ZSWIM6: variants seen among roughly 807,000 people sequenced by gnomAD.
The protein encoded by ZSWIM6 is zinc finger SWIM domain-containing protein 6.
In ZSWIM6, 9 loss-of-function variants were observed where a neutral mutation model predicts 113.2. That is an observed-to-expected ratio of 0.08 (90% confidence interval 0.05 to 0.14). The LOEUF is 0.14. Ranked by LOEUF, ZSWIM6 falls within the 10% of genes least tolerant of loss-of-function variation. The pLI, the probability that ZSWIM6 is intolerant of heterozygous loss-of-function variation, is 1.00. For synonymous variants in ZSWIM6, 611 were observed against 606.5 expected (o/e 1.01, Z -0.11); for missense variants, 1,162 against 1,552.2 (o/e 0.75, Z 4.22).
chr5:61,463,504 A>T (rs890280202), intron 1 of ZSWIM6, among the ~76,000 whole-genome samples: 1 of 152,232 alleles, frequency 6.6e-6, no homozygotes, highest in Non-Finnish European at 1.5e-5. Context: ...AACCCTGGAC[A>T]TATGGGGTCC....
intron 1 of ZSWIM6, among the ~76,000 whole-genome samples, chr5:61,414,455 G>A (rs1249913761): frequency 6.6e-6 from 1 of 152,180 alleles, no homozygotes; most frequent in Non-Finnish European, 1.5e-5. Flanking sequence ...GAGCTATGCA[G>A]TAGAGAGGTC....
intron 1 of ZSWIM6, among the ~76,000 whole-genome samples, chr5:61,345,264 T>C (rs1744632970): frequency 6.6e-6 from 1 of 152,240 alleles, no homozygotes; most frequent in Admixed American, 6.5e-5. Context: ...TTAGATTTGG[T>C]TAATACTCTA....
intron 5 of ZSWIM6, among the ~76,000 whole-genome samples, chr5:61,524,704 C>T (rs16892181): frequency 0.046 from 6,957 of 152,202 alleles, 542 homozygotes; most frequent in African/African-American, 0.16. Flanking sequence ...GCCAAAGGTC[C>T]GGTGACAGGA....
At chr5:61,515,458 A>C (rs1748907901) in intron 4 of ZSWIM6, among the ~76,000 whole-genome samples, 2 of 152,140 alleles carry the variant, frequency 1.3e-5, no homozygotes, top group African/African-American at 4.8e-5. Context: ...GACACAGGAC[A>C]GAAGGGCAAG....
chr5:61,413,094 C>T (rs1284901742), intron 1 of ZSWIM6, among the ~76,000 whole-genome samples: 5 of 150,278 alleles, frequency 3.3e-5, no homozygotes, highest in Admixed American at 2.0e-4. Flanking sequence ...CATACGTATA[C>T]GTGTGCCATG....
chr5:61,406,881 T>G (rs1239368201), intron 1 of ZSWIM6, among the ~76,000 whole-genome samples: 1 of 152,060 alleles, frequency 6.6e-6, no homozygotes, highest in Non-Finnish European at 1.5e-5. Context: ...CCTGCCTAAT[T>G]TTTGTATTTT....
chr5:61,494,241 G>C lies in ZSWIM6; in HGVS notation c.1183-19G>C. The stretch of plus-strand genomic sequence containing the variant: ...TTTCGTTTTGAACAATTTTCTAAAG[G>C]TCTGTTTTTCCCCATTAGGTGCGGG... On this transcript the variant is annotated intron_variant, in intron 3 of 13. Transcript: ENST00000252744. 10 of 1,547,016 alleles carry C rather than the reference G, an allele frequency of 6.5e-6. No homozygotes were observed. Among genetic ancestry groups the C allele is most frequent in the Non-Finnish European group, 8.7e-6 (10 of 1,143,478 alleles).
chr5:61,524,934 A>T (rs1019694961), intron 5 of ZSWIM6, among the ~76,000 whole-genome samples: 1 of 152,232 alleles, frequency 6.6e-6, no homozygotes, highest in Non-Finnish European at 1.5e-5. Context: ...AATTTGAACC[A>T]TATAATCCTT....
rs1331441326 is a variant in ZSWIM6, at chr5:61,531,670, A to G, written c.2190A>G (p.Glu730=). The G allele has an allele frequency of 6.4e-7, 1 of 1,551,726 alleles. No homozygotes were observed. The highest frequency in any genetic ancestry group is 2.0e-5 in the Admixed American group (1 of 51,012). ...EQLISKLQEI[E]LDDTLVKIFR... is the part of the protein sequence containing the mutation. ...TCATTTCTAAGCTTCAGGAAATTGA[A>G]TTGGATGACACACTGGTGAAAATTT... The change falls in exon 9 of 14, where the codon GAA becomes GAG. Residue 730 remains glutamate, a synonymous_variant. Transcript: ENST00000252744.
At chr5:61,365,562 A>G (rs1028493190) in intron 1 of ZSWIM6, among the ~76,000 whole-genome samples, 1 of 152,148 alleles carries the variant, frequency 6.6e-6, no homozygotes, top group Admixed American at 6.6e-5. Flanking sequence ...GAGGTATCTC[A>G]GATATATTTT....
intron 1 of ZSWIM6, among the ~76,000 whole-genome samples, chr5:61,341,052 A>G (rs1312516421): frequency 6.6e-6 from 1 of 152,258 alleles, no homozygotes; most frequent in Non-Finnish European, 1.5e-5. Flanking sequence ...GAGAAAATAA[A>G]AAAGTCAGTT....
At chr5:61,417,603 A>G (rs536155611) in intron 1 of ZSWIM6, among the ~76,000 whole-genome samples, 1 of 152,306 alleles carries the variant, frequency 6.6e-6, no homozygotes, top group African/African-American at 2.4e-5. Flanking sequence ...TAATCAAAAG[A>G]GGTTCATGTT....
At position 61,468,832 on chromosome 5, in the gene ZSWIM6, C is replaced by T. The variant is rs569824912; in HGVS notation, c.677-3849C>T. On this transcript the variant is annotated intron_variant, in intron 1 of 13. Coordinates refer to ENST00000252744, the MANE Select transcript of ZSWIM6 (RefSeq NM_020928.2). Reference sequence around the variant, plus strand: ...GGAGAGGCCAAAATACACCACTATACAAGGCTGAAGTAGGCTTGGTTGAAT... The same window carrying T: ...GGAGAGGCCAAAATACACCACTATATAAGGCTGAAGTAGGCTTGGTTGAAT... Among the ~76,000 whole-genome samples the T allele has an allele frequency of 5.8e-4, 88 of 152,280 alleles. 2 individuals carry two copies. Among genetic ancestry groups the T allele is most frequent in the African/African-American group, 2.0e-3 (83 of 41,558 alleles).
intron 2 of ZSWIM6, among the ~76,000 whole-genome samples, chr5:61,473,812 G>A (rs186015835): frequency 4.3e-4 from 66 of 152,256 alleles, no homozygotes; most frequent in Non-Finnish European, 4.4e-5. Flanking sequence ...AAACAGCTCT[G>A]GGACCTAACG....
chr5:61,375,227 C>G (rs2112072990), intron 1 of ZSWIM6: 1 of 1,612,880 alleles, frequency 6.2e-7, no homozygotes, highest in South Asian at 1.1e-5. Context: ...CGACCAAGGC[C>G]TACCTGGGAA....
chr5:61,487,824 C>G, intron 2 of ZSWIM6, among the ~76,000 whole-genome samples: 1 of 151,972 alleles, frequency 6.6e-6, no homozygotes, highest in Non-Finnish European at 1.5e-5. Flanking sequence ...CATCCGTGAA[C>G]AGGGATAATT....
At chr5:61,357,470 G>A (rs931272201) in intron 1 of ZSWIM6, among the ~76,000 whole-genome samples, 2 of 151,888 alleles carry the variant, frequency 1.3e-5, no homozygotes, top group Non-Finnish European at 2.9e-5. Flanking sequence ...ACTACCTAAA[G>A]AAGAGATGGA....
chr5:61,508,722 TC>T (rs1288142115), intron 4 of ZSWIM6, among the ~76,000 whole-genome samples: 1 of 152,118 alleles, frequency 6.6e-6, no homozygotes, highest in East Asian at 1.9e-4. Flanking sequence ...TTGGGCCACT[TC>T]CTGGGCCCAA....
At chr5:61,526,903 C>T (rs1423319434) in intron 7 of ZSWIM6, among the ~76,000 whole-genome samples, 3 of 152,148 alleles carry the variant, frequency 2.0e-5, no homozygotes, top group Non-Finnish European at 4.4e-5. Context: ...AAGTTAATTT[C>T]TGTAAAGCAC....
Sources: allele counts gnomAD v4.1 joint callset (sites outside exome capture counted in the v4.1 genomes callset), GRCh38; gene constraint gnomAD v4.1.1; transcripts MANE v1.5; gene names NCBI Gene and HGNC (gene_info 2026-07-23, HGNC 2026-07-21).